ADAMTS19: variants seen among roughly 807,000 people sequenced by gnomAD.
ADAMTS19 encodes A disintegrin and metalloproteinase with thrombospondin motifs 19.
A neutral mutation model predicts 153.3 loss-of-function variants in ADAMTS19; 93 were observed. That is an observed-to-expected ratio of 0.61 (90% CI 0.51 to 0.72). The LOEUF is 0.72. Among genes scored for constraint, ADAMTS19 ranks in the 30% least tolerant of loss-of-function variants. ADAMTS19 has a pLI of 0.00. For synonymous variants in ADAMTS19, 600 were observed against 556.6 expected (o/e 1.08, Z -1.10); for missense variants, 1,482 against 1,552.1 (o/e 0.95, Z 0.76).
intron 20 of ADAMTS19, among the ~76,000 whole-genome samples, chr5:129,703,200 C>G (rs898105973): frequency 6.6e-6 from 1 of 150,398 alleles, no homozygotes; most frequent in African/African-American, 2.5e-5. Context: ...GTCAGTGGTG[C>G]TTGCCTTTAG....
rs186925957 is a variant in ADAMTS19 at position 129,515,929 on chromosome 5, G to A, written c.913+6687G>A. Among the ~76,000 whole-genome samples, 215 of 151,780 alleles carry A rather than the reference G, an allele frequency of 1.4e-3. 1 individual carries two copies. The highest frequency in any genetic ancestry group is 4.4e-3 in the African/African-American group (184 of 41,510). ...ATGATACTAGCTGTAGGCCTGTGGCGTATGATTTTTATTATGTTGATGTAT... is the reference window on the plus strand; with the variant it reads ...ATGATACTAGCTGTAGGCCTGTGGCATATGATTTTTATTATGTTGATGTAT... On this transcript the variant is annotated intron_variant, in intron 3 of 22. Transcript: ENST00000274487.
chr5:129,516,342 T>C (rs1751606773), intron 3 of ADAMTS19, among the ~76,000 whole-genome samples: 1 of 151,540 alleles, frequency 6.6e-6, no homozygotes, highest in East Asian at 1.9e-4. Context: ...TCCCTCCTCT[T>C]ATATATTTTT....
intron 3 of ADAMTS19, among the ~76,000 whole-genome samples, chr5:129,524,457 G>T (rs541725978): frequency 2.0e-5 from 3 of 152,126 alleles, no homozygotes; most frequent in African/African-American, 7.2e-5. Flanking sequence ...TTGACAAATG[G>T]GATCTAATTA....
intron 2 of ADAMTS19, among the ~76,000 whole-genome samples, chr5:129,495,285 T>C (rs2126698780): frequency 6.6e-6 from 1 of 152,216 alleles, no homozygotes; most frequent in East Asian, 1.9e-4. Context: ...GCATTCTTCA[T>C]TCCAGAGACA....
At chr5:129,513,033 A>G (rs1178326173) in intron 3 of ADAMTS19, among the ~76,000 whole-genome samples, 1 of 151,888 alleles carries the variant, frequency 6.6e-6, no homozygotes. Flanking sequence ...ACTTCCATAT[A>G]TATGTAATAG....
chr5:129,619,537 TC>T (rs1276705065), intron 8 of ADAMTS19, among the ~76,000 whole-genome samples: 3 of 152,022 alleles, frequency 2.0e-5, no homozygotes, highest in African/African-American at 7.2e-5. Context: ...GGGATATGTA[TC>T]ATGTTAAAGA....
At position 129,698,700 on chromosome 5, in the gene ADAMTS19, T is replaced by C. The variant is rs567840628; in HGVS notation, c.2955-2688T>C. On this transcript the variant is annotated intron_variant, in intron 19 of 22. Transcript: ENST00000274487. ...GATTCCATGAAATTGCAAATACTTCTCTTTTCAGTATGGAGAACCCAGTAG... is the reference window on the plus strand; with the variant it reads ...GATTCCATGAAATTGCAAATACTTCCCTTTTCAGTATGGAGAACCCAGTAG... 2.0e-5 allele frequency among the ~76,000 whole-genome samples: 3 copies of C among 152,348 alleles called. No individual in the cohort carries two copies. The South Asian group carries it at 6.2e-4, about 32-fold the overall frequency.
At chr5:129,509,299 T>A (rs1751359637) in intron 3 of ADAMTS19, 57 bp downstream of exon 3, 6 of 1,472,272 alleles carry the variant, frequency 4.1e-6, no homozygotes, top group Non-Finnish European at 5.5e-6. Flanking sequence ...GATGACTACT[T>A]TAAAAAAACT....
At chr5:129,683,880 T>C (rs893077220) in intron 17 of ADAMTS19, among the ~76,000 whole-genome samples, 2 of 150,436 alleles carry the variant, frequency 1.3e-5, no homozygotes, top group Non-Finnish European at 2.9e-5. Context: ...TAAGATGTTT[T>C]TAGCATGAAG....
intron 21 of ADAMTS19, among the ~76,000 whole-genome samples, chr5:129,715,959 G>A (rs568157519): frequency 2.0e-5 from 3 of 152,212 alleles, no homozygotes; most frequent in African/African-American, 7.2e-5. Flanking sequence ...CTCTGTAAAG[G>A]TGTGTGAGAG....
At chr5:129,464,364 GA>G (rs1749787138) in intron 2 of ADAMTS19, among the ~76,000 whole-genome samples, 1 of 152,094 alleles carries the variant, frequency 6.6e-6, no homozygotes, top group Non-Finnish European at 1.5e-5. Context: ...TAGAGATGGT[GA>G]ATCATTTATA....
At position 129,605,733 on chromosome 5, in the gene ADAMTS19, A is replaced by T. The variant is rs115318932; in HGVS notation, c.1478+9069A>T. Among the ~76,000 whole-genome samples the T allele has an allele frequency of 4.1e-3, 629 of 152,310 alleles. 4 individuals carry two copies. The highest frequency in any genetic ancestry group is 0.015 in the African/African-American group (607 of 41,570). ...TTATGCTTGTAATAGATAGTCAAGA[A>T]AATAACCAATATAGCCCTAATAGAG... On this transcript the variant is annotated intron_variant, in intron 8 of 22. Coordinates refer to ENST00000274487, the MANE Select transcript of ADAMTS19 (RefSeq NM_133638.6).
At chr5:129,628,796 A>G (rs1752166405) in intron 10 of ADAMTS19, among the ~76,000 whole-genome samples, 1 of 152,098 alleles carries the variant, frequency 6.6e-6, no homozygotes, top group South Asian at 2.1e-4. Context: ...GTTGCCTACA[A>G]TATACAGTAA....
chr5:129,577,549 T>G (rs1749203417), intron 7 of ADAMTS19, among the ~76,000 whole-genome samples: 2 of 152,128 alleles, frequency 1.3e-5, no homozygotes, highest in Admixed American at 1.3e-4. Context: ...AAGTGATATT[T>G]GCATAAAGGT....
intron 12 of ADAMTS19, 98 bp from the exon 13 acceptor site, chr5:129,648,700 T>G: frequency 1.1e-6 from 1 of 894,592 alleles, no homozygotes; most frequent in Non-Finnish European, 1.7e-6. Flanking sequence ...AAATATAATA[T>G]AAGGGGTTAT....
intron 19 of ADAMTS19, among the ~76,000 whole-genome samples, chr5:129,697,451 G>A (rs772882599): frequency 3.5e-4 from 54 of 152,174 alleles, no homozygotes; most frequent in Middle Eastern, 3.4e-3. Context: ...CCTACCCCAG[G>A]CAAATATATG....
chr5:129,715,439 C>T (rs1191557427), intron 21 of ADAMTS19, among the ~76,000 whole-genome samples: 2 of 152,064 alleles, frequency 1.3e-5, no homozygotes, highest in African/African-American at 4.8e-5. Context: ...TTAATGAATC[C>T]AAATGAAATA....
chr5:129,693,427 G>T (rs1328981047), intron 18 of ADAMTS19, among the ~76,000 whole-genome samples: 1 of 152,100 alleles, frequency 6.6e-6, no homozygotes, highest in Admixed American at 6.6e-5. Context: ...GTCAGTCATA[G>T]TACCCTAACT....
intron 17 of ADAMTS19, among the ~76,000 whole-genome samples, chr5:129,683,026 A>G (rs976992732): frequency 3.9e-5 from 6 of 152,092 alleles, no homozygotes; most frequent in African/African-American, 1.4e-4. Context: ...AATACTAAAT[A>G]AAGTTCTTCA....
Sources: allele counts gnomAD v4.1 joint callset (sites outside exome capture counted in the v4.1 genomes callset), GRCh38; gene constraint gnomAD v4.1.1; transcripts MANE v1.5; gene names NCBI Gene and HGNC (gene_info 2026-07-23, HGNC 2026-07-21).